The following AOAH variants were observed in gnomAD, a reference collection of about 807,000 sequenced individuals.
AOAH encodes the protein acyloxyacyl hydrolase (neutrophil).
AOAH carries 64 observed loss-of-function variants against 92.2 expected under a neutral mutation model. The observed-to-expected ratio is 0.69, with a 90% CI of 0.57 to 0.86. The LOEUF is 0.86. AOAH is among the 40% of genes least tolerant of loss of function. The pLI is 0.00. For missense variants in AOAH, 656 were observed against 694.6 expected (o/e 0.94, Z 0.62); for synonymous variants, 263 against 254.5 (o/e 1.03, Z -0.32).
intron 4 of AOAH, among the ~76,000 whole-genome samples, chr7:36,657,628 G>C (rs540437705): frequency 1.3e-5 from 2 of 152,350 alleles, no homozygotes; most frequent in South Asian, 2.1e-4. Flanking sequence ...GGAAAGTGAA[G>C]GGGGCTGTCC....
At chr7:36,715,557 C>T (rs1417969772) in intron 1 of AOAH, among the ~76,000 whole-genome samples, 12 of 151,428 alleles carry the variant, frequency 7.9e-5, no homozygotes, top group African/African-American at 2.9e-4. Flanking sequence ...AGGCATCACG[C>T]TGCCTGACTT....
chr7:36,565,433 A>G (rs1787625769), intron 13 of AOAH, among the ~76,000 whole-genome samples: 2 of 152,208 alleles, frequency 1.3e-5, no homozygotes, highest in South Asian at 2.1e-4. Context: ...CTTTTAAAAA[A>G]TTACTTCAAA....
chr7:36,682,514 T>G (rs1463188910), intron 2 of AOAH, among the ~76,000 whole-genome samples: 1 of 152,090 alleles, frequency 6.6e-6, no homozygotes, highest in Non-Finnish European at 1.5e-5. Flanking sequence ...AGTAAAAGCA[T>G]GCCAGAAAGT....
chr7:36,670,862 ATTGTG>A (rs1562679567), intron 3 of AOAH, among the ~76,000 whole-genome samples: 1 of 7,914 alleles, frequency 1.3e-4, no homozygotes, highest in African/African-American at 1.8e-3. Context: ...AGTGATGAGT[ATTGTG>A]TCTGTCCTTT....
At chr7:36,670,376 AC>A (rs1795841224) in intron 3 of AOAH, among the ~76,000 whole-genome samples, 1 of 152,338 alleles carries the variant, frequency 6.6e-6, no homozygotes, top group East Asian at 1.9e-4. Context: ...TTATGGACAA[AC>A]AAAACACATG....
intron 12 of AOAH, among the ~76,000 whole-genome samples, chr7:36,583,420 T>C (rs543740043): frequency 6.6e-6 from 1 of 152,278 alleles, no homozygotes; most frequent in South Asian, 2.1e-4. Context: ...TAAAGACCTT[T>C]TAAGATTCCT....
intron 11 of AOAH, among the ~76,000 whole-genome samples, chr7:36,601,658 G>C (rs1413655173): frequency 2.6e-5 from 4 of 152,238 alleles, no homozygotes; most frequent in African/African-American, 7.2e-5. Context: ...ACTTGTAAGA[G>C]CTCAATAAAT....
chr7:36,678,098 G>A (rs538914893), intron 2 of AOAH, among the ~76,000 whole-genome samples: 1 of 152,310 alleles, frequency 6.6e-6, no homozygotes, highest in South Asian at 2.1e-4. Context: ...TGAGTGAACT[G>A]TACAGTATGT....
intron 13 of AOAH, among the ~76,000 whole-genome samples, chr7:36,568,938 G>A (rs1051661423): frequency 6.6e-6 from 1 of 152,222 alleles, no homozygotes; most frequent in African/African-American, 2.4e-5. Flanking sequence ...ATGGGGGGCA[G>A]CCTATGAGGT....
rs542930119 is a variant in AOAH, at chr7:36,553,210, A to ACATG, written c.1022-3739_1022-3736dup. On this transcript the variant is annotated intron_variant, in intron 13 of 20. Coordinates refer to ENST00000617537, the MANE Select transcript of AOAH (RefSeq NM_001637.4). ...GTTCAATTTCCATCTATGAGTGAGAACATGCGGTGTTTGGTTTTTTGTCCT... is the reference window on the plus strand; with the variant it reads ...GTTCAATTTCCATCTATGAGTGAGAACATGCATGCGGTGTTTGGTTTTTTGTCCT... 2.0e-3 allele frequency among the ~76,000 whole-genome samples: 301 copies of ACATG among 146,896 alleles called. 1 individual carries two copies. Among genetic ancestry groups the ACATG allele is most frequent in the African/African-American group, 7.5e-3 (296 of 39,670 alleles).
intron 4 of AOAH, among the ~76,000 whole-genome samples, chr7:36,641,689 C>T (rs1793932196): frequency 6.6e-6 from 1 of 152,126 alleles, no homozygotes; most frequent in Admixed American, 6.5e-5. Context: ...TAACACACTC[C>T]CATGCATACA....
In AOAH at chr7:36,516,494, G is replaced by A. The variant is rs75064432; in HGVS notation, c.1600-3114C>T. ...CCACACACACACACACACAGAAAGCGCACACAGCATTCACACCCCACATAT... is the reference window on the plus strand; with the variant it reads ...CCACACACACACACACACAGAAAGCACACACAGCATTCACACCCCACATAT... On this transcript the variant is annotated intron_variant, in intron 20 of 20. Transcript: ENST00000617537. The surrounding 1 kb of genome is among the most constrained non-coding windows in gnomAD (Gnocchi z 5.0). 0.022 allele frequency among the ~76,000 whole-genome samples: 3,236 copies of A among 146,220 alleles called. 131 individuals are homozygous for A. Among genetic ancestry groups the A allele is most frequent in the South Asian group, 0.08 (357 of 4,440 alleles).
At chr7:36,598,905 C>T (rs865815356) in intron 11 of AOAH, among the ~76,000 whole-genome samples, 3 of 152,174 alleles carry the variant, frequency 2.0e-5, no homozygotes, top group Non-Finnish European at 2.9e-5. Flanking sequence ...TCAACTCCTG[C>T]TTATTCCTCT....
chr7:36,616,261 G>GA (rs1791871331), intron 11 of AOAH, 119 bp downstream of exon 11: 2 of 797,652 alleles, frequency 2.5e-6, no homozygotes, highest in Non-Finnish European at 2.1e-6. Flanking sequence ...TTTCATGGCA[G>GA]ATTTTGCTAA....
At chr7:36,708,614 A>AT (rs1184946900) in intron 1 of AOAH, among the ~76,000 whole-genome samples, 5 of 151,710 alleles carry the variant, frequency 3.3e-5, no homozygotes, top group Non-Finnish European at 5.9e-5. Flanking sequence ...ATGTCTACTA[A>AT]TTTTTTTTGT....
chr7:36,543,943 CTTTCTTTTTTTT>C (rs1365037798), intron 15 of AOAH, among the ~76,000 whole-genome samples: 1 of 82,796 alleles, frequency 1.2e-5, no homozygotes, highest in Non-Finnish European at 2.5e-5. Flanking sequence ...TTCTTTCTTT[CTTTCTTTTTTTT>C]TTTTTTTTTT....
At chr7:36,571,915 T>C (rs1788173039) in intron 13 of AOAH, among the ~76,000 whole-genome samples, 1 of 152,216 alleles carries the variant, frequency 6.6e-6, no homozygotes, top group Non-Finnish European at 1.5e-5. Flanking sequence ...AATATACAGA[T>C]AGATAGAAGA....
intron 11 of AOAH, among the ~76,000 whole-genome samples, chr7:36,600,399 T>C (rs1209191659): frequency 6.7e-6 from 1 of 149,910 alleles, no homozygotes; most frequent in Non-Finnish European, 1.5e-5. Flanking sequence ...CTTCCCTTGT[T>C]GATTCAGGCC....
intron 3 of AOAH, among the ~76,000 whole-genome samples, chr7:36,659,861 C>A (rs545743349): frequency 6.7e-6 from 1 of 149,946 alleles, no homozygotes; most frequent in East Asian, 2.0e-4. Context: ...GTCTAGATGG[C>A]CTGCAGGAGC....
Sources: gnomAD v4.1 joint callset for allele counts (sites outside exome capture counted in the v4.1 genomes callset) on GRCh38, gnomAD v4.1.1 for gene constraint, Gnocchi (gnomAD v3.1) non-coding constraint, MANE v1.5 for transcripts, NCBI Gene and HGNC (gene_info 2026-07-23, HGNC 2026-07-21) for gene names.